Variants in RAD54L2 observed in about 807,000 individuals in gnomAD.
The protein encoded by RAD54L2 is helicase ARIP4.
RAD54L2 carries 27 observed loss-of-function variants against 138.4 expected under a neutral mutation model. The ratio of observed to expected loss-of-function variants is 0.20; its 90% CI spans 0.14 to 0.27. The LOEUF (loss-of-function observed/expected upper bound fraction) is 0.27. Among genes scored for constraint, RAD54L2 ranks in the 10% least tolerant of loss-of-function variants. RAD54L2 has a pLI of 1.00. For missense variants in RAD54L2, 1,396 were observed against 1,890.2 expected (o/e 0.74, Z 4.85); for synonymous variants, 644 against 723.2 (o/e 0.89, Z 1.76).
In RAD54L2 at chr3:51,638,060, G is replaced by A; in HGVS notation, c.1683-84G>A. On this transcript the variant is annotated intron_variant, in intron 11 of 22. Coordinates refer to ENST00000684192, the MANE Select transcript of RAD54L2 (RefSeq NM_015106.4). The surrounding 1 kb of genome is among the most constrained non-coding windows in gnomAD (Gnocchi z 4.3). ...GATCCTCAAGAGGGAGGTGTGGCAGGAGTGCAAAAGGCTCTGTTTTTATCT... is the reference window on the plus strand; with the variant it reads ...GATCCTCAAGAGGGAGGTGTGGCAGAAGTGCAAAAGGCTCTGTTTTTATCT... The A allele has an allele frequency of 7.8e-7, 1 of 1,276,298 alleles. No individual in the cohort carries two copies. The highest frequency in any genetic ancestry group is 1.5e-5 in the African/African-American group (1 of 67,918). The allele number at this position is 1,276,298 out of a possible 1,614,324, so 79.1% of individuals were successfully genotyped here. A position where few individuals can be genotyped will look rare whatever the true frequency, so the allele number is the denominator to read the frequency against.
chr3:51,573,247 A>T (rs1699381965), intron 2 of RAD54L2, among the ~76,000 whole-genome samples: 1 of 152,134 alleles, frequency 6.6e-6, no homozygotes, highest in South Asian at 2.1e-4. Context: ...AGACAAGCCA[A>T]GTGAGACTTT....
At chr3:51,581,451 G>C (rs1483870123) in intron 2 of RAD54L2, among the ~76,000 whole-genome samples, 3 of 152,154 alleles carry the variant, frequency 2.0e-5, no homozygotes, top group Non-Finnish European at 4.4e-5. Flanking sequence ...TAAAAGCTTT[G>C]ATTTGTTGAA....
chr3:51,570,477 G>A (rs995816678), intron 2 of RAD54L2, among the ~76,000 whole-genome samples: 1 of 149,942 alleles, frequency 6.7e-6, no homozygotes, highest in Non-Finnish European at 1.5e-5. Flanking sequence ...TATTTATTTT[G>A]AGACAGAGTC....
chr3:51,574,674 A>C (rs1577397367), intron 2 of RAD54L2, among the ~76,000 whole-genome samples: 1 of 151,906 alleles, frequency 6.6e-6, no homozygotes, highest in South Asian at 2.1e-4. Flanking sequence ...ATATCCTTTA[A>C]CCACTTTTTG....
chr3:51,607,150 C>G (rs1358554132), intron 3 of RAD54L2, among the ~76,000 whole-genome samples: 1 of 139,748 alleles, frequency 7.2e-6, no homozygotes, highest in Non-Finnish European at 1.5e-5. Flanking sequence ...GGGTGTTTCT[C>G]GGAGAGGGGG....
chr3:51,567,042 A>G (rs1434692170), intron 2 of RAD54L2, among the ~76,000 whole-genome samples: 1 of 152,098 alleles, frequency 6.6e-6, no homozygotes, highest in African/African-American at 2.4e-5. Flanking sequence ...GGCTTTAGGT[A>G]GAGGTCATAG....
Position 51,662,444 on chromosome 3 carries a change from G to C in RAD54L2, c.3428G>C (p.Cys1143Ser). ...MAASGSQGPS[C>S]ESTSNGRHSA... The stretch of plus-strand genomic sequence containing the variant: ...TCCCCAGGTTCCCAGGGACCTTCTT[G>C]CGAGTCCACAAGCAACGGCAGACAC... The change falls in exon 23 of 23, where the codon TGC becomes TCC. Residue 1143 changes from cysteine to serine, a missense_variant. By Grantham distance (112) the Cys-to-Ser change is moderately radical. This residue lies in a region of RAD54L2 where 634 missense variants were observed against 711.2 expected (regional missense o/e 0.89). Coordinates refer to ENST00000684192, the MANE Select transcript of RAD54L2 (RefSeq NM_015106.4). The surrounding 1 kb of genome is among the most constrained non-coding windows in gnomAD (Gnocchi z 4.6). 1 of 1,528,652 alleles carries C rather than the reference G, an allele frequency of 6.5e-7. No homozygotes were observed. The highest frequency in any genetic ancestry group is 8.8e-7 in the Non-Finnish European group (1 of 1,136,714). The allele number at this position is 1,528,652 out of a possible 1,614,324, so 94.7% of individuals were successfully genotyped here. A position where few individuals can be genotyped will look rare whatever the true frequency, so the allele number is the denominator to read the frequency against.
chr3:51,602,686 A>G (rs1367278017), intron 3 of RAD54L2, among the ~76,000 whole-genome samples: 1 of 152,208 alleles, frequency 6.6e-6, no homozygotes, highest in African/African-American at 2.4e-5. Context: ...TCATCCAGTC[A>G]TTCAATAATA....
chr3:51,581,447 C>T (rs1699606950), intron 2 of RAD54L2, among the ~76,000 whole-genome samples: 1 of 152,146 alleles, frequency 6.6e-6, no homozygotes, highest in Admixed American at 6.5e-5. Context: ...TATTTAAAAG[C>T]TTTGATTTGT....
In RAD54L2 at chr3:51,538,782, C is replaced by T. The variant is rs1487992668; in HGVS notation, c.-250C>T. On this transcript the variant is annotated 5_prime_UTR_variant, in exon 1 of 23. Coordinates refer to ENST00000684192, the MANE Select transcript of RAD54L2 (RefSeq NM_015106.4). Reference sequence around the variant, plus strand: ...CCAGAGCCAGCCCGCGGCGCCCGGGCCTGGCCGGCTGCTTCCCGCCTCAGC... The same window carrying T: ...CCAGAGCCAGCCCGCGGCGCCCGGGTCTGGCCGGCTGCTTCCCGCCTCAGC... Among the ~76,000 whole-genome samples the T allele has an allele frequency of 2.0e-5, 3 of 151,810 alleles. No individual in the cohort carries two copies. Among genetic ancestry groups the T allele is most frequent in the Admixed American group, 1.3e-4 (2 of 15,234 alleles).
chr3:51,602,638 A>G (rs1700102688), intron 3 of RAD54L2, among the ~76,000 whole-genome samples: 1 of 152,214 alleles, frequency 6.6e-6, no homozygotes, highest in African/African-American at 2.4e-5. Context: ...TAGGAAAGCA[A>G]TAACAGTGTG....
intron 7 of RAD54L2, among the ~76,000 whole-genome samples, chr3:51,631,680 T>A (rs1700847225): frequency 6.6e-6 from 1 of 152,028 alleles, no homozygotes; most frequent in East Asian, 1.9e-4. Context: ...TCTTGCTCTG[T>A]CGCCCAGGCT....
intron 2 of RAD54L2, among the ~76,000 whole-genome samples, chr3:51,555,439 C>T (rs913503497): frequency 2.6e-5 from 4 of 151,412 alleles, no homozygotes; most frequent in Non-Finnish European, 5.9e-5. Context: ...ATGGTGAAAC[C>T]CTGTCTCTAC....
intron 3 of RAD54L2, among the ~76,000 whole-genome samples, chr3:51,616,932 A>G (rs1487216494): frequency 6.6e-6 from 1 of 152,240 alleles, no homozygotes; most frequent in African/African-American, 2.4e-5. Context: ...CTGTCATTAT[A>G]GATTAGCTTT....
chr3:51,623,467 A>G (rs1700608357), intron 3 of RAD54L2, among the ~76,000 whole-genome samples: 1 of 152,184 alleles, frequency 6.6e-6, no homozygotes, highest in Non-Finnish European at 1.5e-5. Flanking sequence ...TATCTTCCAC[A>G]AGATAACCAT....
At chr3:51,622,372 G>A (rs1007237919) in intron 3 of RAD54L2, among the ~76,000 whole-genome samples, 1 of 152,106 alleles carries the variant, frequency 6.6e-6, no homozygotes, top group African/African-American at 2.4e-5. Context: ...TTTTGTAATA[G>A]GCCTATTACA....
At chr3:51,651,149 T>A (rs1169048412) in intron 19 of RAD54L2, among the ~76,000 whole-genome samples, 1 of 152,134 alleles carries the variant, frequency 6.6e-6, no homozygotes, top group African/African-American at 2.4e-5. Flanking sequence ...CAGAGAATAC[T>A]CTAAACACCT....
chr3:51,580,713 T>C (rs1397152868), intron 2 of RAD54L2, among the ~76,000 whole-genome samples: 1 of 152,148 alleles, frequency 6.6e-6, no homozygotes, highest in East Asian at 1.9e-4. Context: ...AAATATATTT[T>C]GTCTTATACA....
chr3:51,570,301 G>A (rs1247113725), intron 2 of RAD54L2, among the ~76,000 whole-genome samples: 7 of 138,912 alleles, frequency 5.0e-5, no homozygotes, highest in East Asian at 2.2e-4. Context: ...CCGCCACCAC[G>A]CCTGGCTAAC....
Sources: allele counts gnomAD v4.1 joint callset (sites outside exome capture counted in the v4.1 genomes callset), GRCh38; gene constraint gnomAD v4.1.1; regional missense constraint gnomAD v4.1.1; non-coding constraint Gnocchi (gnomAD v3.1); transcripts MANE v1.5; gene names NCBI Gene and HGNC (gene_info 2026-07-23, HGNC 2026-07-21).